Variants in CLEC11A observed in about 807,000 individuals in gnomAD.
CLEC11A encodes the protein C-type lectin domain containing 11A.
Under a neutral mutation model 33.9 loss-of-function variants are expected in CLEC11A, and 35 were observed. That is an observed-to-expected ratio of 1.03 (90% CI 0.79 to 1.37). The LOEUF is 1.37. Among genes scored for constraint, CLEC11A ranks in the 40% most tolerant of loss-of-function variants. CLEC11A has a pLI of 0.00. For synonymous variants in CLEC11A, 220 were observed against 202.2 expected (o/e 1.09, Z -0.75); for missense variants, 519 against 455.5 (o/e 1.14, Z -1.27).
rs766185930 is a variant in CLEC11A at position 50,724,112 on chromosome 19, A to AC, written c.334+26dup. ...CATCCGTGAGTAACCAGAAGCCCTCACCCCCAAACTCCTAGGCCGCCGCGG... is the reference window on the plus strand; with the variant it reads ...CATCCGTGAGTAACCAGAAGCCCTCACCCCCCAAACTCCTAGGCCGCCGCGG... On this transcript the variant is annotated intron_variant, in intron 2 of 3. Transcript: ENST00000250340. The surrounding 1 kb of genome is among the most constrained non-coding windows in gnomAD (Gnocchi z 4.1). The AC allele has an allele frequency of 6.2e-7, 1 of 1,608,380 alleles. No individual in the cohort carries two copies. The highest frequency in any genetic ancestry group is 1.4e-5 in the African/African-American group (1 of 73,884).
In CLEC11A at chr19:50,725,362, C is replaced by A; in HGVS notation, c.867C>A (p.Asn289Lys). The change falls in exon 4 of 4, where the codon AAC becomes AAA. Residue 289 changes from asparagine to lysine, a missense_variant. By Grantham distance (94) the Asn-to-Lys change is moderately conservative (BLOSUM62 0). Transcript: ENST00000250340. ...ATCCGCTCAGCCCGGACCAGCCCAA[C>A]GGTGGCACGCTCGAGAACTGCGTGG... ...SPHPLSPDQP[N>K]GGTLENCVAQ... 1.2e-6 allele frequency: 2 copies of A among 1,612,242 alleles called. No homozygotes were observed. Among genetic ancestry groups the A allele is most frequent in the Non-Finnish European group, 1.7e-6 (2 of 1,179,532 alleles).
rs774136728 is a variant in CLEC11A, at chr19:50,725,363, G to A, written c.868G>A (p.Gly290Ser). The change falls in exon 4 of 4, where the codon GGT (glycine) becomes AGT (serine). Residue 290 changes from glycine to serine, a missense_variant. Physicochemically the swap from Gly to Ser is moderately conservative, Grantham distance 56. Coordinates refer to ENST00000250340, the MANE Select transcript of CLEC11A (RefSeq NM_002975.3). ...PHPLSPDQPNGGTLENCVAQA... is the reference protein window; with the variant it reads ...PHPLSPDQPNSGTLENCVAQA... ...TCCGCTCAGCCCGGACCAGCCCAAC[G>A]GTGGCACGCTCGAGAACTGCGTGGC... 3 of 1,611,766 alleles carry A rather than the reference G, an allele frequency of 1.9e-6. No homozygotes were observed. Among genetic ancestry groups the A allele is most frequent in the Non-Finnish European group, 2.5e-6 (3 of 1,179,342 alleles).
Position 50,723,729 on chromosome 19 carries a change from T to C in CLEC11A, c.147+57T>C. 6.5e-7 allele frequency: 1 copy of C among 1,531,870 alleles called. No homozygotes were observed. The highest frequency in any genetic ancestry group is 8.8e-7 in the Non-Finnish European group (1 of 1,141,946). The allele number at this position is 1,531,870 out of a possible 1,614,324, so 94.9% of individuals were successfully genotyped here. On this transcript the variant is annotated intron_variant, in intron 1 of 3. Transcript: ENST00000250340. This position sits in a 1 kb window ranked among gnomAD's most constrained non-coding sequence, Gnocchi z 4.1. The stretch of plus-strand genomic sequence containing the variant: ...GGTGAACTGTGGGTCTGGGAGGGGG[T>C]ATTGCAAGGTTAGGGAAATGGACAA...
In CLEC11A at chr19:50,725,509, C is replaced by A. The variant is rs2089180999; in HGVS notation, c.*42C>A. ...CCTCCCTGCCCATCCCACCACCCGG[C>A]CTTTCCCTGCGCCGTGCCCACCCTC... On this transcript the variant is annotated 3_prime_UTR_variant, in exon 4 of 4. Coordinates refer to ENST00000250340, the MANE Select transcript of CLEC11A (RefSeq NM_002975.3). The A allele has an allele frequency of 6.6e-7, 1 of 1,510,846 alleles. No homozygotes were observed. Among genetic ancestry groups the A allele is most frequent in the Non-Finnish European group, 8.9e-7 (1 of 1,125,794 alleles). The allele number at this position is 1,510,846 out of a possible 1,614,324, so 93.6% of individuals were successfully genotyped here. A position where few individuals can be genotyped will look rare whatever the true frequency, so the allele number is the denominator to read the frequency against.
In CLEC11A at chr19:50,724,392, A is replaced by G; in HGVS notation, c.335-18A>G. 6.7e-7 allele frequency: 1 copy of G among 1,489,846 alleles called. No individual in the cohort carries two copies. Among genetic ancestry groups the G allele is most frequent in the Non-Finnish European group, 8.9e-7 (1 of 1,127,522 alleles). The allele number at this position is 1,489,846 out of a possible 1,614,324, so 92.3% of individuals were successfully genotyped here. On this transcript the variant is annotated intron_variant, in intron 2 of 3. Coordinates refer to ENST00000250340, the MANE Select transcript of CLEC11A (RefSeq NM_002975.3). This position sits in a 1 kb window ranked among gnomAD's most constrained non-coding sequence, Gnocchi z 4.1. ...ATCTCCAGGCTCCCCCTCCAGCATGATCCCTGTCTGTCCGCAGTGGGCCGC... is the reference window on the plus strand; with the variant it reads ...ATCTCCAGGCTCCCCCTCCAGCATGGTCCCTGTCTGTCCGCAGTGGGCCGC...
At position 50,723,530 on chromosome 19, in the gene CLEC11A, A is replaced by T. The variant is rs750489197; in HGVS notation, c.5A>T (p.Gln2Leu). 2 of 1,612,294 alleles carry T rather than the reference A, an allele frequency of 1.2e-6. No individual in the cohort carries two copies. Among genetic ancestry groups the T allele is most frequent in the Non-Finnish European group, 1.7e-6 (2 of 1,179,954 alleles). MQAAWLLGALVV... is the reference protein window; with the variant it reads MLAAWLLGALVV... ...GGGTGCCAAGAGTCCAGCTTAATGC[A>T]GGCAGCCTGGCTTTTGGGGGCTTTG... is the stretch of plus-strand genomic sequence containing the variant. The change falls in exon 1 of 4, where the codon CAG becomes CTG. Residue 2 changes from glutamine to leucine, a missense_variant. Physicochemically the swap from Gln to Leu is moderately radical, Grantham distance 113. Coordinates refer to ENST00000250340, the MANE Select transcript of CLEC11A (RefSeq NM_002975.3). The surrounding 1 kb of genome is among the most constrained non-coding windows in gnomAD (Gnocchi z 4.1).
chr19:50,725,027 C>G lies in CLEC11A; in HGVS notation c.532C>G (p.Leu178Val), dbSNP rs185018002. The G allele has an allele frequency of 2.0e-3, 2,936 of 1,485,480 alleles. 8 individuals are homozygous for G. Among genetic ancestry groups the G allele is most frequent in the Non-Finnish European group, 2.5e-3 (2,834 of 1,121,708 alleles). The allele number at this position is 1,485,480 out of a possible 1,614,324, so 92.0% of individuals were successfully genotyped here. Reference protein sequence around the residue: ...EREHGRLEGCLKGLRLGHKCF... With the variant: ...EREHGRLEGCVKGLRLGHKCF... Reference sequence around the variant, plus strand: ...CTACCCGGCCCCGCCCACAGGCTGCCTGAAGGGGCTGCGCCTGGGCCACAA... The same window carrying G: ...CTACCCGGCCCCGCCCACAGGCTGCGTGAAGGGGCTGCGCCTGGGCCACAA... Residue 178 changes from leucine to valine, a missense_variant, in exon 4 of 4, where the codon CTG becomes GTG. Physicochemically the swap from Leu to Val is conservative, Grantham distance 32. Transcript: ENST00000250340.
rs2089168541 is a variant in CLEC11A at position 50,724,593 on chromosome 19, G to A, written c.518G>A (p.Arg173His). The A allele has an allele frequency of 3.5e-6, 5 of 1,410,962 alleles. No individual in the cohort carries two copies. The South Asian group carries it at 4.6e-5, about 13-fold the overall frequency. 87.4% of individuals were successfully genotyped at this position (1,410,962 alleles called of 1,614,324 possible). Residue 173 changes from arginine (R) to histidine (H), a missense_variant, in exon 3 of 4, where the codon CGC becomes CAC. Physicochemically the swap from Arg to His is conservative, Grantham distance 29 (BLOSUM62 0). Coordinates refer to ENST00000250340, the MANE Select transcript of CLEC11A (RefSeq NM_002975.3). This position sits in a 1 kb window ranked among gnomAD's most constrained non-coding sequence, Gnocchi z 4.1. ...AQGRAEREHG[R>H]LEGCLKGLRL... is the part of the protein sequence containing the mutation. ...GGTCGCGCCGAGCGCGAGCACGGCC[G>A]CTTGGAGGGTGAGTCCGCGGCGCGC...
Position 50,724,621 on chromosome 19 carries a change from G to A in CLEC11A, c.526+20G>A, listed in dbSNP as rs1193921106. ...TGGAGGGTGAGTCCGCGGCGCGCGG[G>A]GTGGAAAAAAATGAGACTATCTGGG... On this transcript the variant is annotated intron_variant, in intron 3 of 3. Coordinates refer to ENST00000250340, the MANE Select transcript of CLEC11A (RefSeq NM_002975.3). The surrounding 1 kb of genome is among the most constrained non-coding windows in gnomAD (Gnocchi z 4.1). 2 of 1,387,614 alleles carry A rather than the reference G, an allele frequency of 1.4e-6. No individual in the cohort carries two copies. Among genetic ancestry groups the A allele is most frequent in the African/African-American group, 1.5e-5 (1 of 65,840 alleles). The allele number at this position is 1,387,614 out of a possible 1,614,324, so 86.0% of individuals were successfully genotyped here.
Position 50,723,734 on chromosome 19 carries a change from C to T in CLEC11A, c.147+62C>T. 6.5e-7 allele frequency: 1 copy of T among 1,533,108 alleles called. No individual in the cohort carries two copies. The allele number at this position is 1,533,108 out of a possible 1,614,324, so 95.0% of individuals were successfully genotyped here. A position where few individuals can be genotyped will look rare whatever the true frequency, so the allele number is the denominator to read the frequency against. On this transcript the variant is annotated intron_variant, in intron 1 of 3. Transcript: ENST00000250340. The surrounding 1 kb of genome is among the most constrained non-coding windows in gnomAD (Gnocchi z 4.1). Reference sequence around the variant, plus strand: ...ACTGTGGGTCTGGGAGGGGGTATTGCAAGGTTAGGGAAATGGACAATGAGG... The same window carrying T: ...ACTGTGGGTCTGGGAGGGGGTATTGTAAGGTTAGGGAAATGGACAATGAGG...
rs977124168 is a variant in CLEC11A at position 50,725,116 on chromosome 19, G to C, written c.621G>C (p.Arg207=). Residue 207 remains arginine, a synonymous_variant, in exon 4 of 4, where the codon CGG becomes CGC. Coordinates refer to ENST00000250340, the MANE Select transcript of CLEC11A (RefSeq NM_002975.3). ...QAAAQARCTA[R]GGSLAQPADR... is the part of the protein sequence containing the mutation. Reference sequence around the variant, plus strand: ...CGGCGCAGGCGCGGTGCACGGCGCGGGGCGGGAGCCTGGCGCAGCCGGCAG... The same window carrying C: ...CGGCGCAGGCGCGGTGCACGGCGCGCGGCGGGAGCCTGGCGCAGCCGGCAG... 1 of 1,540,870 alleles carries C rather than the reference G, an allele frequency of 6.5e-7. No individual in the cohort carries two copies. Among genetic ancestry groups the C allele is most frequent in the East Asian group, 2.5e-5 (1 of 40,626 alleles).
In CLEC11A at chr19:50,724,505, C is replaced by A; in HGVS notation, c.430C>A (p.Arg144=). The A allele has an allele frequency of 6.4e-7, 1 of 1,567,420 alleles. No homozygotes were observed. Among genetic ancestry groups the A allele is most frequent in the South Asian group, 1.1e-5 (1 of 87,316 alleles). ...TRVVELTQGL[R]QLRNAAGDTR... is the part of the protein sequence containing the mutation. ...CGTGGTCGAGCTGACCCAGGGGCTG[C>A]GGCAGCTGCGGAACGCGGCAGGCGA... The change falls in exon 3 of 4, where the codon CGG becomes AGG. Residue 144 remains arginine (R), a synonymous_variant. Transcript: ENST00000250340. The surrounding 1 kb of genome is among the most constrained non-coding windows in gnomAD (Gnocchi z 4.1).
chr19:50,724,654 T>C lies in CLEC11A; in HGVS notation c.526+53T>C. 7.3e-7 allele frequency: 1 copy of C among 1,363,880 alleles called. No individual in the cohort carries two copies. The highest frequency in any genetic ancestry group is 9.5e-7 in the Non-Finnish European group (1 of 1,057,816). The allele number at this position is 1,363,880 out of a possible 1,614,324, so 84.5% of individuals were successfully genotyped here. On this transcript the variant is annotated intron_variant, in intron 3 of 3. Transcript: ENST00000250340. This position sits in a 1 kb window ranked among gnomAD's most constrained non-coding sequence, Gnocchi z 4.1. Reference sequence around the variant, plus strand: ...AAAATGAGACTATCTGGGCCAGGAATGGGACTGGTTGAGAAGGTGACCCTA... The same window carrying C: ...AAAATGAGACTATCTGGGCCAGGAACGGGACTGGTTGAGAAGGTGACCCTA...
chr19:50,724,791 C>G lies in CLEC11A; in HGVS notation c.526+190C>G, dbSNP rs1048418832. 6.6e-6 allele frequency among the ~76,000 whole-genome samples: 1 copy of G among 151,970 alleles called. No individual in the cohort carries two copies. Among genetic ancestry groups the G allele is most frequent in the Non-Finnish European group, 1.5e-5 (1 of 67,976 alleles). On this transcript the variant is annotated intron_variant, in intron 3 of 3. Coordinates refer to ENST00000250340, the MANE Select transcript of CLEC11A (RefSeq NM_002975.3). The surrounding 1 kb of genome is among the most constrained non-coding windows in gnomAD (Gnocchi z 4.1). ...TGGGCACTCCAGACCCGCGCGGACC[C>G]GACTGGGGCAGCACCACGCCCCCTA...
rs746120398 is a variant in CLEC11A, at chr19:50,725,508, G to C, written c.*41G>C. 6.6e-7 allele frequency: 1 copy of C among 1,510,382 alleles called. No individual in the cohort carries two copies. The highest frequency in any genetic ancestry group is 8.9e-7 in the Non-Finnish European group (1 of 1,125,484). 93.6% of individuals were successfully genotyped at this position (1,510,382 alleles called of 1,614,324 possible). Reference sequence around the variant, plus strand: ...GCCTCCCTGCCCATCCCACCACCCGGCCTTTCCCTGCGCCGTGCCCACCCT... The same window carrying C: ...GCCTCCCTGCCCATCCCACCACCCGCCCTTTCCCTGCGCCGTGCCCACCCT... On this transcript the variant is annotated 3_prime_UTR_variant, in exon 4 of 4. Transcript: ENST00000250340.
Position 50,725,023 on chromosome 19 carries a change from C to A in CLEC11A, c.528C>A (p.Gly176=). 1.4e-6 allele frequency: 2 copies of A among 1,474,232 alleles called. No homozygotes were observed. The highest frequency in any genetic ancestry group is 1.8e-6 in the Non-Finnish European group (2 of 1,116,704). 91.3% of individuals were successfully genotyped at this position (1,474,232 alleles called of 1,614,324 possible). Residue 176 remains glycine, a splice_region_variant and synonymous_variant, in exon 4 of 4, where the codon GGC becomes GGA. Coordinates refer to ENST00000250340, the MANE Select transcript of CLEC11A (RefSeq NM_002975.3). ...RAEREHGRLE[G]CLKGLRLGHK... ...TTCTCTACCCGGCCCCGCCCACAGGCTGCCTGAAGGGGCTGCGCCTGGGCC... is the reference window on the plus strand; with the variant it reads ...TTCTCTACCCGGCCCCGCCCACAGGATGCCTGAAGGGGCTGCGCCTGGGCC...
Position 50,724,490 on chromosome 19 carries a change from C to G in CLEC11A, c.415C>G (p.Leu139Val). 6.3e-7 allele frequency: 1 copy of G among 1,578,614 alleles called. No homozygotes were observed. Among genetic ancestry groups the G allele is most frequent in the Non-Finnish European group, 8.5e-7 (1 of 1,170,028 alleles). ...LHALDTRVVELTQGLRQLRNA... is the reference protein window; with the variant it reads ...LHALDTRVVEVTQGLRQLRNA... ...CGCGTTGGACACCCGCGTGGTCGAGCTGACCCAGGGGCTGCGGCAGCTGCG... is the reference window on the plus strand; with the variant it reads ...CGCGTTGGACACCCGCGTGGTCGAGGTGACCCAGGGGCTGCGGCAGCTGCG... Residue 139 changes from leucine (L) to valine (V), a missense_variant, in exon 3 of 4, where the codon CTG becomes GTG. Leu to Val is a conservative substitution (Grantham distance 32, BLOSUM62 1). Transcript: ENST00000250340. The surrounding 1 kb of genome is among the most constrained non-coding windows in gnomAD (Gnocchi z 4.1).
rs747826397 is a variant in CLEC11A, at chr19:50,725,161, G to T, written c.666G>T (p.Ala222=). ...CGGCAGACCGCCAGCAGATGGAGGC[G>T]CTCACTCGGTACCTGCGCGCGGCGC... ...AQPADRQQME[A]LTRYLRAALA... is the part of the protein sequence containing the mutation. The change falls in exon 4 of 4, where the codon GCG becomes GCT. Residue 222 remains alanine (A), a synonymous_variant. Coordinates refer to ENST00000250340, the MANE Select transcript of CLEC11A (RefSeq NM_002975.3). The T allele has an allele frequency of 4.3e-5, 67 of 1,568,470 alleles. No homozygotes were observed. The highest frequency in any genetic ancestry group is 5.6e-5 in the Non-Finnish European group (65 of 1,158,920).
At position 50,724,314 on chromosome 19, in the gene CLEC11A, C is replaced by CCCCCCCA; in HGVS notation, c.335-96_335-95insCCCCCCA. ...CGGGGTGCCCCCCCCACCGCCACCC[C>CCCCCCCA]GCCCTCAGGAGCCCTAGATCCCAGT... On this transcript the variant is annotated intron_variant, in intron 2 of 3. Transcript: ENST00000250340. This position sits in a 1 kb window ranked among gnomAD's most constrained non-coding sequence, Gnocchi z 4.1. 8.7e-7 allele frequency: 1 copy of CCCCCCCA among 1,151,696 alleles called. No homozygotes were observed. Among genetic ancestry groups the CCCCCCCA allele is most frequent in the Non-Finnish European group, 1.2e-6 (1 of 842,616 alleles). 71.3% of individuals were successfully genotyped at this position (1,151,696 alleles called of 1,614,324 possible). A position where few individuals can be genotyped will look rare whatever the true frequency, so the allele number is the denominator to read the frequency against.
Sources: allele counts gnomAD v4.1 joint callset (sites outside exome capture counted in the v4.1 genomes callset), GRCh38; gene constraint gnomAD v4.1.1; non-coding constraint Gnocchi (gnomAD v3.1); transcripts MANE v1.5; gene names NCBI Gene and HGNC (gene_info 2026-07-23, HGNC 2026-07-21).